The following ADCY8 variants were observed in gnomAD, a reference collection of about 807,000 sequenced individuals.
The protein encoded by ADCY8 is adenylate cyclase type 8.
Under a neutral mutation model 119.7 loss-of-function variants are expected in ADCY8, and 51 were observed. The ratio of observed to expected loss-of-function variants is 0.43; its 90% CI spans 0.34 to 0.54. ADCY8 has a LOEUF of 0.54. ADCY8 is among the 20% of genes least tolerant of loss of function. The probability of loss-of-function intolerance (pLI) is 0.03; values close to 1 mark genes in which losing one functional copy is unlikely to be tolerated. For missense variants in ADCY8, 1,383 were observed against 1,598.8 expected, an observed-to-expected ratio of 0.87 and a Z score of 2.30; for synonymous variants, 665 against 651.0, an observed-to-expected ratio of 1.02 and a Z score of -0.33.
intron 8 of ADCY8, among the ~76,000 whole-genome samples, chr8:130,869,526 G>GTTTTTTTTTTTTTGTTTTTTGTT (rs1275593013): frequency 1.7e-5 from 2 of 114,640 alleles, no homozygotes; most frequent in African/African-American, 6.2e-5. Flanking sequence ...TTGTTTTTTT[G>GTTTTTTTTTTTTTGTTTTTTGTT]TTTTTTTTTG....
intron 2 of ADCY8, among the ~76,000 whole-genome samples, chr8:130,975,083 C>G (rs1378552186): frequency 2.0e-5 from 3 of 152,182 alleles, no homozygotes; most frequent in Non-Finnish European, 4.4e-5. Context: ...ATTTCACCCA[C>G]CTCCGAGGCC....
At chr8:130,901,813 G>C (rs1284915816) in intron 7 of ADCY8, among the ~76,000 whole-genome samples, 1 of 151,984 alleles carries the variant, frequency 6.6e-6, no homozygotes, top group African/African-American at 2.4e-5. Context: ...GGCACAGATG[G>C]GTTACATCCA....
chr8:130,848,619 G>A (rs2130310636), intron 10 of ADCY8, among the ~76,000 whole-genome samples: 1 of 152,248 alleles, frequency 6.6e-6, no homozygotes, highest in Non-Finnish European at 1.5e-5. Flanking sequence ...TTGGGTCCCT[G>A]CACACTTGGG....
chr8:130,937,050 A>G, intron 5 of ADCY8, 23 bp downstream of exon 5: 2 of 1,598,754 alleles, frequency 1.3e-6, no homozygotes, highest in Non-Finnish European at 1.7e-6. Flanking sequence ...GACCCAGGTA[A>G]CATGATGGGG....
intron 3 of ADCY8, 107 bp downstream of exon 3, chr8:130,951,761 G>A (rs1821277916): frequency 7.2e-7 from 1 of 1,381,896 alleles, no homozygotes; most frequent in Non-Finnish European, 1.0e-6. Context: ...AACCAGATGA[G>A]GAAAGGTGCT....
At chr8:130,789,081 G>A (rs1252114672) in intron 15 of ADCY8, among the ~76,000 whole-genome samples, 1 of 152,186 alleles carries the variant, frequency 6.6e-6, no homozygotes, top group East Asian at 1.9e-4. Flanking sequence ...GGGAATGATG[G>A]ATATGTTCAG....
chr8:131,038,232 T>C (rs889622322), intron 1 of ADCY8, among the ~76,000 whole-genome samples: 5 of 152,166 alleles, frequency 3.3e-5, no homozygotes, highest in African/African-American at 1.2e-4. Flanking sequence ...CTAAGCATCA[T>C]CTATTCAAAT....
chr8:130,784,334 A>C (rs1478767999), intron 16 of ADCY8, among the ~76,000 whole-genome samples: 1 of 152,164 alleles, frequency 6.6e-6, no homozygotes, highest in African/African-American at 2.4e-5. Flanking sequence ...TTGCTTACAA[A>C]ACTCCTAAGG....
chr8:130,893,703 T>C (rs1454884609), intron 7 of ADCY8, among the ~76,000 whole-genome samples: 1 of 151,584 alleles, frequency 6.6e-6, no homozygotes, highest in Non-Finnish European at 1.5e-5. Flanking sequence ...TGTTTATATG[T>C]GTGTGTGTGC....
At chr8:130,920,406 G>C (rs1198453256) in intron 5 of ADCY8, among the ~76,000 whole-genome samples, 1 of 152,106 alleles carries the variant, frequency 6.6e-6, no homozygotes, top group African/African-American at 2.4e-5. Context: ...ACCGCATGTG[G>C]GGCTCCTGGT....
intron 9 of ADCY8, among the ~76,000 whole-genome samples, chr8:130,851,218 C>T (rs1456865932): frequency 6.6e-6 from 1 of 152,150 alleles, no homozygotes; most frequent in African/African-American, 2.4e-5. Flanking sequence ...ACACATCTTC[C>T]TCATCTAGGT....
chr8:130,968,942 A>C (rs1243902262), intron 2 of ADCY8, among the ~76,000 whole-genome samples: 2 of 152,212 alleles, frequency 1.3e-5, no homozygotes, highest in African/African-American at 4.8e-5. Context: ...TAAAGACTTC[A>C]AAGTCTTTTT....
chr8:131,037,033 C>T (rs1176618866), intron 1 of ADCY8, among the ~76,000 whole-genome samples: 1 of 152,098 alleles, frequency 6.6e-6, no homozygotes, highest in Non-Finnish European at 1.5e-5. Context: ...TTATAAAAAG[C>T]GATTTATTCT....
chr8:131,039,711 A>G lies in ADCY8; in HGVS notation c.623T>C (p.Met208Thr), dbSNP rs1222785838. 1.9e-6 allele frequency: 3 copies of G among 1,613,982 alleles called. No homozygotes were observed. Among genetic ancestry groups the G allele is most frequent in the African/African-American group, 2.7e-5 (2 of 74,918 alleles). ...CAGCAGGATGCCCTTGAGCGGGTCCATGGGGGCCGAGGCCAGGCTCAAGTG... is the reference window on the plus strand; with the variant it reads ...CAGCAGGATGCCCTTGAGCGGGTCCGTGGGGGCCGAGGCCAGGCTCAAGTG... ...VLHLSLASAPMDPLKGILLGF... is the reference protein window; with the variant it reads ...VLHLSLASAPTDPLKGILLGF... Residue 208 changes from methionine (M) to threonine (T), a missense_variant, in exon 1 of 18, where the codon ATG (methionine) becomes ACG (threonine). Met to Thr is a moderately conservative substitution (Grantham distance 81, BLOSUM62 -1). This residue lies in a region of ADCY8 where 455 missense variants were observed against 435.3 expected (regional missense o/e 1.05). Coordinates refer to ENST00000286355, the MANE Select transcript of ADCY8 (RefSeq NM_001115.3).
intron 11 of ADCY8, among the ~76,000 whole-genome samples, chr8:130,846,885 C>T (rs867063864): frequency 2.6e-3 from 46 of 17,666 alleles, no homozygotes; most frequent in African/African-American, 9.7e-3. Context: ...CCCTTCCCTT[C>T]CCTTTCCTTC....
intron 1 of ADCY8, 83 bp downstream of exon 1, chr8:131,039,291 G>A: frequency 6.4e-6 from 10 of 1,552,008 alleles, no homozygotes; most frequent in South Asian, 1.2e-5. Flanking sequence ...AGAGAGTGAG[G>A]CAACCCTGGC....
chr8:130,847,382 T>G (rs371915539), intron 11 of ADCY8, 42 bp downstream of exon 11: 27 of 1,440,482 alleles, frequency 1.9e-5, no homozygotes, highest in Middle Eastern at 1.8e-4. Context: ...TAGAGATATA[T>G]CTATGTCCAA....
chr8:130,808,605 C>T (rs1370414601), intron 14 of ADCY8, among the ~76,000 whole-genome samples: 1 of 152,194 alleles, frequency 6.6e-6, no homozygotes, highest in African/African-American at 2.4e-5. Flanking sequence ...GGAACCAGAA[C>T]TAAACCCACA....
intron 5 of ADCY8, among the ~76,000 whole-genome samples, chr8:130,922,174 C>T (rs755298619): frequency 2.6e-5 from 4 of 151,764 alleles, no homozygotes; most frequent in Non-Finnish European, 5.9e-5. Context: ...TTGGACTTCT[C>T]AGCCTCTAGA....
Sources: gnomAD v4.1 joint callset for allele counts (sites outside exome capture counted in the v4.1 genomes callset) on GRCh38, gnomAD v4.1.1 for gene constraint, gnomAD v4.1.1 regional missense constraint, MANE v1.5 for transcripts, NCBI Gene and HGNC (gene_info 2026-07-23, HGNC 2026-07-21) for gene names.